The following CACNA2D3 variants were observed in gnomAD, a reference collection of about 807,000 sequenced individuals.
CACNA2D3 encodes voltage-dependent calcium channel subunit alpha-2/delta-3.
A neutral mutation model predicts 160.6 loss-of-function variants in CACNA2D3; 60 were observed. That is an observed-to-expected ratio of 0.37 (90% confidence interval 0.30 to 0.46). The LOEUF (loss-of-function observed/expected upper bound fraction) is 0.46, where lower values mean the gene tolerates loss of function less well. Among genes scored for constraint, CACNA2D3 ranks in the 20% least tolerant of loss-of-function variants. The pLI is 1.00. For synonymous variants in CACNA2D3, 558 were observed against 492.9 expected, an observed-to-expected ratio of 1.13 and a Z score of -1.75; for missense variants, 1,205 against 1,365.0, an observed-to-expected ratio of 0.88 and a Z score of 1.85.
At chr3:54,360,593 C>T (rs1425576377) in intron 3 of CACNA2D3, among the ~76,000 whole-genome samples, 1 of 152,128 alleles carries the variant, frequency 6.6e-6, no homozygotes, top group Non-Finnish European at 1.5e-5. Flanking sequence ...TGGTCTGACC[C>T]TGGGCTGTGT....
intron 21 of CACNA2D3, among the ~76,000 whole-genome samples, chr3:54,884,114 A>G (rs375861683): frequency 6.6e-6 from 1 of 152,140 alleles, no homozygotes; most frequent in South Asian, 2.1e-4. Context: ...GGAAGGAAGG[A>G]AAGTTGTTTG....
intron 25 of CACNA2D3, chr3:54,894,710 G>A (rs979455036): frequency 2.1e-6 from 1 of 478,836 alleles, no homozygotes; most frequent in Non-Finnish European, 4.2e-6. Flanking sequence ...GGCAACAGAG[G>A]CTCCTCCTCA....
intron 27 of CACNA2D3, among the ~76,000 whole-genome samples, chr3:54,967,775 A>G (rs1342661028): frequency 1.3e-5 from 2 of 152,192 alleles, no homozygotes; most frequent in Admixed American, 6.5e-5. Flanking sequence ...ACTAAATTTC[A>G]CTTCCCAAAG....
chr3:54,517,108 A>G (rs1265996482), intron 5 of CACNA2D3, among the ~76,000 whole-genome samples: 1 of 152,182 alleles, frequency 6.6e-6, no homozygotes, highest in Non-Finnish European at 1.5e-5. Context: ...CTTTTCCACA[A>G]ACCACCTTAC....
intron 7 of CACNA2D3, 34 bp downstream of exon 7, chr3:54,569,889 A>G: frequency 6.2e-7 from 1 of 1,612,370 alleles, no homozygotes; most frequent in Non-Finnish European, 8.5e-7. Context: ...GTTATTTCTC[A>G]AAGAGATATC....
intron 4 of CACNA2D3, among the ~76,000 whole-genome samples, chr3:54,440,991 G>C (rs1362436573): frequency 6.6e-6 from 1 of 151,954 alleles, no homozygotes; most frequent in African/African-American, 2.4e-5. Flanking sequence ...TAGTCCTTTG[G>C]GTAAATACCC....
chr3:54,974,225 A>T (rs1400452497), intron 29 of CACNA2D3, among the ~76,000 whole-genome samples: 1 of 152,184 alleles, frequency 6.6e-6, no homozygotes. Context: ...ACCAATAAAC[A>T]TTTGCTGAGC....
chr3:54,303,782 G>C (rs1703530410), intron 2 of CACNA2D3, among the ~76,000 whole-genome samples: 1 of 149,626 alleles, frequency 6.7e-6, no homozygotes, highest in African/African-American at 2.5e-5. Flanking sequence ...GATTTGGTGT[G>C]CATCTGCTGT....
chr3:54,822,963 T>C (rs1214319849), intron 14 of CACNA2D3, among the ~76,000 whole-genome samples: 1 of 151,700 alleles, frequency 6.6e-6, no homozygotes, highest in Non-Finnish European at 1.5e-5. Flanking sequence ...CAAGCGATTC[T>C]CTTGCCTCAG....
chr3:54,943,015 C>G (rs1172440837), intron 27 of CACNA2D3, among the ~76,000 whole-genome samples: 1 of 151,920 alleles, frequency 6.6e-6, no homozygotes, highest in Non-Finnish European at 1.5e-5. Context: ...CAGAGCAACA[C>G]TCCATCTCAA....
chr3:54,503,664 C>A lies in CACNA2D3; in HGVS notation c.544+10C>A. The A allele has an allele frequency of 6.2e-7, 1 of 1,611,896 alleles. No individual in the cohort carries two copies. Among genetic ancestry groups the A allele is most frequent in the Non-Finnish European group, 8.5e-7 (1 of 1,178,260 alleles). On this transcript the variant is annotated intron_variant, in intron 5 of 37. Coordinates refer to ENST00000474759, the MANE Select transcript of CACNA2D3 (RefSeq NM_018398.3). ...AACATGTACAACAAAGGTAAGACTC[C>A]CAGCCACTGCTCCTTTTAGAAGGTG...
chr3:54,414,102 A>G (rs1699716454), intron 4 of CACNA2D3, among the ~76,000 whole-genome samples: 1 of 151,960 alleles, frequency 6.6e-6, no homozygotes, highest in South Asian at 2.1e-4. Context: ...TTAGGAAACA[A>G]TTATTAAAGA....
intron 11 of CACNA2D3, among the ~76,000 whole-genome samples, chr3:54,731,893 C>G (rs1042132351): frequency 6.6e-6 from 1 of 152,086 alleles, no homozygotes; most frequent in African/African-American, 2.4e-5. Context: ...TCAAAAGCAT[C>G]ACCGTGTAAT....
intron 17 of CACNA2D3, among the ~76,000 whole-genome samples, chr3:54,854,084 C>A (rs1250066150): frequency 6.6e-6 from 1 of 152,096 alleles, no homozygotes; most frequent in Non-Finnish European, 1.5e-5. Flanking sequence ...AGAGCCCGGG[C>A]GACTGCAACC....
chr3:54,608,512 T>C (rs1003076547), intron 9 of CACNA2D3, among the ~76,000 whole-genome samples: 3 of 152,154 alleles, frequency 2.0e-5, no homozygotes, highest in Non-Finnish European at 2.9e-5. Flanking sequence ...TAAAGAGTAG[T>C]ATGGCTAGGT....
intron 2 of CACNA2D3, among the ~76,000 whole-genome samples, chr3:54,285,429 G>A (rs557772710): frequency 1.3e-3 from 204 of 152,276 alleles, no homozygotes; most frequent in Admixed American, 5.2e-3. Flanking sequence ...CAAAACAGCC[G>A]GGAAGCTCGA....
intron 14 of CACNA2D3, 86 bp downstream of exon 14, chr3:54,816,956 C>T: frequency 6.8e-7 from 1 of 1,463,760 alleles, no homozygotes. Context: ...TGACACTGTT[C>T]ATGACCAGTG....
chr3:54,388,767 G>T (rs1049576847), intron 4 of CACNA2D3, among the ~76,000 whole-genome samples: 3 of 152,186 alleles, frequency 2.0e-5, no homozygotes, highest in Non-Finnish European at 4.4e-5. Context: ...TGTAGAGTGG[G>T]CCAGAAGGGA....
At chr3:54,417,790 G>A (rs1327968488) in intron 4 of CACNA2D3, among the ~76,000 whole-genome samples, 2 of 112,028 alleles carry the variant, frequency 1.8e-5, no homozygotes, top group South Asian at 3.0e-4. Flanking sequence ...GTGTATCTGT[G>A]TGTGTGGGGG....
Sources: gnomAD v4.1 joint callset for allele counts (sites outside exome capture counted in the v4.1 genomes callset) on GRCh38, gnomAD v4.1.1 for gene constraint, MANE v1.5 for transcripts, NCBI Gene and HGNC (gene_info 2026-07-23, HGNC 2026-07-21) for gene names.